GLIS3: variants seen among roughly 807,000 people sequenced by gnomAD.
GLIS3 encodes GLIS family zinc finger 3, also known as zinc finger protein GLIS3.
A neutral mutation model predicts 78.6 loss-of-function variants in GLIS3; 53 were observed. The ratio of observed to expected loss-of-function variants is 0.67; its 90% CI spans 0.54 to 0.85. The LOEUF (loss-of-function observed/expected upper bound fraction) is 0.85. Ranked by LOEUF, GLIS3 falls within the 40% of genes least tolerant of loss-of-function variation. GLIS3 has a pLI of 0.00. For synonymous variants in GLIS3, 684 were observed against 509.9 expected, an observed-to-expected ratio of 1.34 and a Z score of -4.60; for missense variants, 1,703 against 1,231.1, an observed-to-expected ratio of 1.38 and a Z score of -5.74.
intron 2 of GLIS3, among the ~76,000 whole-genome samples, chr9:4,159,536 C>G (rs941714592): frequency 6.6e-6 from 1 of 151,970 alleles, no homozygotes; most frequent in Non-Finnish European, 1.5e-5. Flanking sequence ...CTGGCCAACA[C>G]GGTGAAACCC....
the GLIS3 span, among the ~76,000 whole-genome samples, chr9:4,455,875 G>A: frequency 1.3e-5 from 2 of 152,144 alleles, no homozygotes; most frequent in African/African-American, 4.8e-5. Context: ...CACTTTGGAA[G>A]ACCAAGGCAT....
Position 4,125,136 on chromosome 9 carries a change from A to G in GLIS3, c.596+598T>C, listed in dbSNP as rs139664022. On this transcript the variant is annotated intron_variant, in intron 3 of 10. Transcript: ENST00000381971. Reference sequence around the variant, plus strand: ...CTAATCGACATTGTGTTGAAATGTTATGTAACTCAAACACAAAAGTATGCC... The same window carrying G: ...CTAATCGACATTGTGTTGAAATGTTGTGTAACTCAAACACAAAAGTATGCC... 2.0e-5 allele frequency among the ~76,000 whole-genome samples: 3 copies of G among 152,350 alleles called. No homozygotes were observed. In the East Asian group the frequency reaches 5.8e-4, roughly 29 times the overall value.
chr9:3,826,487 A>G lies in GLIS3; in HGVS notation c.*1785T>C, dbSNP rs1817732021. On this transcript the variant is annotated 3_prime_UTR_variant, in exon 11 of 11. Transcript: ENST00000381971. Reference sequence around the variant, plus strand: ...GCAGGTTTTTTAAAGTGGCTAACTCATCTCTTTTGCAGACTTTGACGTCTA... The same window carrying G: ...GCAGGTTTTTTAAAGTGGCTAACTCGTCTCTTTTGCAGACTTTGACGTCTA... The G allele has an allele frequency of 6.6e-6, 1 of 152,174 alleles. No homozygotes were observed. Among genetic ancestry groups the G allele is most frequent in the African/African-American group, 2.4e-5 (1 of 41,446 alleles). 9.4% of individuals were successfully genotyped at this position (152,174 alleles called of 1,614,324 possible). A position where few individuals can be genotyped will look rare whatever the true frequency, so the allele number is the denominator to read the frequency against.
At chr9:3,870,745 G>A (rs1820921435) in intron 8 of GLIS3, among the ~76,000 whole-genome samples, 1 of 152,162 alleles carries the variant, frequency 6.6e-6, no homozygotes, top group African/African-American at 2.4e-5. Flanking sequence ...GGGAATTATG[G>A]GAATACAATT....
intron 4 of GLIS3, among the ~76,000 whole-genome samples, chr9:4,014,384 G>GA (rs1446722931): frequency 1.3e-5 from 2 of 152,158 alleles, no homozygotes; most frequent in Non-Finnish European, 2.9e-5. Context: ...TTTAGAAATA[G>GA]AGTCTCTGCA....
At chr9:4,195,577 C>A (rs1289442342) in intron 2 of GLIS3, among the ~76,000 whole-genome samples, 1 of 152,262 alleles carries the variant, frequency 6.6e-6, no homozygotes, top group Non-Finnish European at 1.5e-5. Context: ...GCCCGAGCTC[C>A]CCTCCACGGG....
intron 4 of GLIS3, among the ~76,000 whole-genome samples, chr9:3,951,364 T>G: frequency 6.6e-6 from 1 of 151,436 alleles, no homozygotes; most frequent in East Asian, 1.9e-4. Context: ...CTTTTTCTTC[T>G]GAAGAAAAGA....
intron 4 of GLIS3, among the ~76,000 whole-genome samples, chr9:4,019,639 T>C (rs965404463): frequency 1.3e-5 from 2 of 152,056 alleles, no homozygotes; most frequent in African/African-American, 2.4e-5. Flanking sequence ...AGATAAGTGC[T>C]ATGGAGGAAA....
Position 4,280,145 on chromosome 9 carries a change from G to A in GLIS3, c.388+5893C>T, listed in dbSNP as rs1342893543. Among the ~76,000 whole-genome samples, 8 of 152,216 alleles carry A rather than the reference G, an allele frequency of 5.3e-5. No homozygotes were observed. The South Asian group carries it at 8.3e-4, about 16-fold the overall frequency. Reference sequence around the variant, plus strand: ...AGTGATCCTCCCACCTCGGCCTCCCGCATAGCTGCGTCAACAGGCACATGC... The same window carrying A: ...AGTGATCCTCCCACCTCGGCCTCCCACATAGCTGCGTCAACAGGCACATGC... On this transcript the variant is annotated intron_variant, in intron 2 of 10. Coordinates refer to ENST00000381971, the MANE Select transcript of GLIS3 (RefSeq NM_001042413.2).
rs141963933 is a variant in GLIS3, at chr9:3,957,905, G to A, written c.1711-20716C>T. Among the ~76,000 whole-genome samples, 373 of 152,308 alleles carry A rather than the reference G, an allele frequency of 2.4e-3. 1 individual carries two copies. The highest frequency in any genetic ancestry group is 3.8e-3 in the Non-Finnish European group (258 of 68,028). On this transcript the variant is annotated intron_variant, in intron 4 of 10. Transcript: ENST00000381971. ...CCCATGTTGCAAATCAGGGAGCTTC[G>A]TGGGACTGGCAACCAAGACCCCAAA...
At chr9:4,055,195 A>G (rs1040809969) in intron 4 of GLIS3, among the ~76,000 whole-genome samples, 1 of 152,220 alleles carries the variant, frequency 6.6e-6, no homozygotes, top group Non-Finnish European at 1.5e-5. Flanking sequence ...TGGAGTTGTC[A>G]TTCTTGACAT....
At chr9:4,162,305 C>T (rs1018405510) in intron 2 of GLIS3, among the ~76,000 whole-genome samples, 5 of 152,108 alleles carry the variant, frequency 3.3e-5, no homozygotes, top group Non-Finnish European at 7.4e-5. Flanking sequence ...TCTACAAAAG[C>T]TCTATCTCCA....
upstream of GLIS3, among the ~76,000 whole-genome samples, chr9:4,350,136 G>A (rs16921200): frequency 4.4e-3 from 675 of 152,312 alleles, 9 homozygotes; most frequent in African/African-American, 0.015. Context: ...TTCCATCACC[G>A]CAGAGGTCAG....
chr9:3,869,315 T>C (rs73384223), intron 8 of GLIS3, among the ~76,000 whole-genome samples: 30,540 of 151,904 alleles, frequency 0.2, 3,335 homozygotes, highest in African/African-American at 0.27. Flanking sequence ...TGGTTTAAGA[T>C]ACCAACATCG....
chr9:4,314,361 C>G (rs1276726669), intron 2 of GLIS3, among the ~76,000 whole-genome samples: 1 of 152,106 alleles, frequency 6.6e-6, no homozygotes, highest in Non-Finnish European at 1.5e-5. Flanking sequence ...ACCCAATGCT[C>G]TCTGTTTCCT....
intron 4 of GLIS3, among the ~76,000 whole-genome samples, chr9:3,944,366 A>G (rs565921535): frequency 1.3e-5 from 2 of 152,348 alleles, no homozygotes; most frequent in East Asian, 1.9e-4. Context: ...TAACTGGGAA[A>G]AGAACATTCA....
chr9:4,381,795 A>T, the GLIS3 span, among the ~76,000 whole-genome samples: 2 of 152,122 alleles, frequency 1.3e-5, no homozygotes, highest in Non-Finnish European at 2.9e-5. Flanking sequence ...GCTTTCTGTT[A>T]TGTCTGGCAA....
intron 2 of GLIS3, among the ~76,000 whole-genome samples, chr9:4,207,895 G>A (rs1234735124): frequency 6.6e-6 from 1 of 152,084 alleles, no homozygotes; most frequent in Non-Finnish European, 1.5e-5. Flanking sequence ...TTCTAACTTC[G>A]CTTTCTTTAT....
intron 6 of GLIS3, among the ~76,000 whole-genome samples, chr9:3,899,200 T>C (rs1376588437): frequency 6.6e-6 from 1 of 152,166 alleles, no homozygotes; most frequent in African/African-American, 2.4e-5. Flanking sequence ...GGAAAGTGCT[T>C]TTAAAATAGA....
Sources: gnomAD v4.1 joint callset for allele counts (sites outside exome capture counted in the v4.1 genomes callset) on GRCh38, gnomAD v4.1.1 for gene constraint, MANE v1.5 for transcripts, NCBI Gene and HGNC (gene_info 2026-07-23, HGNC 2026-07-21) for gene names.